Variants in TCIRG1 observed in about 807,000 individuals in gnomAD.
The protein encoded by TCIRG1 is T cell immune regulator 1, ATPase H+ transporting V0 subunit a3, also known as V-type proton ATPase 116 kDa subunit a 3.
A neutral mutation model predicts 95.5 loss-of-function variants in TCIRG1; 86 were observed. The observed-to-expected ratio is 0.90, with a 90% CI of 0.76 to 1.08. The LOEUF is 1.08. Among genes scored for constraint, TCIRG1 ranks in the 50% least tolerant of loss-of-function variants. TCIRG1 has a pLI of 0.00. For missense variants in TCIRG1, 1,069 were observed against 1,140.2 expected, an observed-to-expected ratio of 0.94 and a Z score of 0.90; for synonymous variants, 499 against 501.3, an observed-to-expected ratio of 1.00 and a Z score of 0.06.
rs1436170727 is a variant in TCIRG1 at position 68,044,164 on chromosome 11, G to A, written c.840G>A (p.Gln280=). ...VLGETERFLS[Q]VLGRVLQLLP... ...GGGAGACAGAGCGGTTCCTGAGCCA[G>A]GTGCTAGGCCGGGTGCTGCAGCTGC... The change falls in exon 9 of 20, where the codon CAG becomes CAA. Residue 280 remains glutamine (Q), a synonymous_variant. Transcript: ENST00000265686. 3.7e-5 allele frequency: 58 copies of A among 1,552,194 alleles called. No homozygotes were observed. Among genetic ancestry groups the A allele is most frequent in the Non-Finnish European group, 4.9e-5 (56 of 1,148,340 alleles).
intron 9 of TCIRG1, 31 bp downstream of exon 9, chr11:68,044,375 G>A (rs781266729): frequency 9.4e-5 from 142 of 1,511,724 alleles, no homozygotes; most frequent in Admixed American, 2.4e-4. Context: ...CCCCCTCTCC[G>A]CCCGCCCCTC....
chr11:68,042,890 G>C lies in TCIRG1; in HGVS notation c.417+27G>C, dbSNP rs965081160. The stretch of plus-strand genomic sequence containing the variant: ...TCAGCTCCCACCCAGGCAGGAGACT[G>C]GGGGGCTGGGGAGGGGCTGTCCAGC... On this transcript the variant is annotated intron_variant, in intron 4 of 19. Coordinates refer to ENST00000265686, the MANE Select transcript of TCIRG1 (RefSeq NM_006019.4). 1.5e-5 allele frequency: 24 copies of C among 1,549,362 alleles called. No homozygotes were observed. The East Asian group carries it at 4.4e-4, about 28-fold the overall frequency.
chr11:68,041,228 G>A (rs1855142136), intron 1 of TCIRG1, 40 bp from the exon 2 acceptor site: 2 of 1,386,918 alleles, frequency 1.4e-6, no homozygotes, highest in Admixed American at 1.7e-5. Flanking sequence ...AACTGTCTGT[G>A]GTCTGCCCCT....
Position 68,043,392 on chromosome 11 carries a change from G to A in TCIRG1, c.525G>A (p.Glu175=). The change falls in exon 6 of 20, where the codon GAG becomes GAA. Residue 175 remains glutamate (E), a synonymous_variant. Coordinates refer to ENST00000265686, the MANE Select transcript of TCIRG1 (RefSeq NM_006019.4). ...LRVNFVAGAV[E]PHKAPALERL... ...CCAGCTTTGTGGCAGGTGCCGTGGAGCCCCACAAGGCCCCTGCCCTAGAGC... is the reference window on the plus strand; with the variant it reads ...CCAGCTTTGTGGCAGGTGCCGTGGAACCCCACAAGGCCCCTGCCCTAGAGC... The A allele has an allele frequency of 1.9e-6, 3 of 1,539,998 alleles. No individual in the cohort carries two copies. The African/African-American group carries it at 4.1e-5, about 21-fold the overall frequency.
chr11:68,044,772 C>G, intron 9 of TCIRG1, 186 bp from the exon 10 acceptor site: 1 of 722,292 alleles, frequency 1.4e-6, no homozygotes, highest in East Asian at 2.7e-5. Context: ...AATTGCCAAT[C>G]CATGTGGTGT....
chr11:68,045,228 A>G, intron 10 of TCIRG1, 126 bp downstream of exon 10: 1 of 1,194,018 alleles, frequency 8.4e-7, no homozygotes, highest in Non-Finnish European at 1.2e-6. Context: ...AGGGGCACAC[A>G]TCCCATCACT....
chr11:68,042,549 C>A, intron 3 of TCIRG1, 94 bp from the exon 4 acceptor site: 1 of 1,038,796 alleles, frequency 9.6e-7, no homozygotes. Flanking sequence ...GTGAATCCAG[C>A]AGCTGGTGGC....
chr11:68,044,918 C>T (rs773741986), intron 9 of TCIRG1, 40 bp from the exon 10 acceptor site: 2 of 1,602,884 alleles, frequency 1.2e-6, no homozygotes, highest in Non-Finnish European at 1.7e-6. Flanking sequence ...CCCTGAAGGC[C>T]CCCGCCACCG....
chr11:68,048,000 G>A (rs1018158209), intron 13 of TCIRG1, 28 bp downstream of exon 13: 4 of 1,601,818 alleles, frequency 2.5e-6, no homozygotes, highest in Middle Eastern at 3.3e-4. Context: ...GTGTCCGTGG[G>A]TGGTGAAGGC....
intron 13 of TCIRG1, 155 bp downstream of exon 13, chr11:68,048,127 T>C (rs1855603727): frequency 1.4e-6 from 1 of 735,710 alleles, no homozygotes; most frequent in Admixed American, 2.0e-5. Flanking sequence ...CCTCCTGCCC[T>C]GCGGAGCCTG....
rs767357973 is a variant in TCIRG1, at chr11:68,047,819, C to G, written c.1463+15C>G. The G allele has an allele frequency of 6.2e-7, 1 of 1,612,258 alleles. No individual in the cohort carries two copies. The highest frequency in any genetic ancestry group is 1.7e-5 in the Admixed American group (1 of 59,978). On this transcript the variant is annotated intron_variant, in intron 12 of 19. Transcript: ENST00000265686. ...TCTGGCTGGAGGTGAGGCCCGGGCC[C>G]CAGCCCGGCTGGGGGCCCCGCAGCA...
intron 1 of TCIRG1, among the ~76,000 whole-genome samples, chr11:68,039,551 A>G (rs937107755): frequency 6.6e-6 from 1 of 152,168 alleles, no homozygotes; most frequent in Non-Finnish European, 1.5e-5. Flanking sequence ...GCAGAGGTGC[A>G]GAGAGACCTG....
chr11:68,051,840 CAG>C (rs911240988), downstream of TCIRG1, among the ~76,000 whole-genome samples: 43 of 152,306 alleles, frequency 2.8e-4, no homozygotes, highest in African/African-American at 9.4e-4. Context: ...GAGAGCTGGG[CAG>C]AGACTTGGGG....
At chr11:68,039,837 C>G (rs1448561460) in intron 1 of TCIRG1, 2 of 152,002 alleles carry the variant, frequency 1.3e-5, no homozygotes, top group South Asian at 2.1e-4. Flanking sequence ...GCCCGGCCCT[C>G]GAGCCCTCGG....
At position 68,041,800 on chromosome 11, in the gene TCIRG1, T is replaced by C; in HGVS notation, c.165T>C (p.Val55=). 6.2e-7 allele frequency: 1 copy of C among 1,610,566 alleles called. No homozygotes were observed. The highest frequency in any genetic ancestry group is 8.5e-7 in the Non-Finnish European group (1 of 1,178,600). The change falls in exon 3 of 20, where the codon GTT becomes GTC. Residue 55 remains valine, a synonymous_variant. Coordinates refer to ENST00000265686, the MANE Select transcript of TCIRG1 (RefSeq NM_006019.4). ...TCCAGAGACGCTTTGTGGTTGATGT[T>C]CGGCGCTGTGAGGAGCTGGAGAAGA... is the stretch of plus-strand genomic sequence containing the variant. ...SAFQRRFVVD[V]RRCEELEKTF... is the part of the protein sequence containing the mutation.
At chr11:68,043,262 G>GTGCCCAAT (rs1241617335) in intron 5 of TCIRG1, 109 bp from the exon 6 acceptor site, 6 of 1,489,890 alleles carry the variant, frequency 4.0e-6, no homozygotes, top group Non-Finnish European at 5.3e-6. Context: ...CAGGGCCAGT[G>GTGCCCAAT]TGCCCAATTG....
chr11:68,049,162 G>A lies in TCIRG1; in HGVS notation c.1755G>A (p.Val585=). The A allele has an allele frequency of 6.2e-7, 1 of 1,613,990 alleles. No individual in the cohort carries two copies. Among genetic ancestry groups the A allele is most frequent in the South Asian group, 1.1e-5 (1 of 91,088 alleles). ...TFLLGLFGYL[V]FLVIYKWLCV... ...TGCTGGGACTCTTCGGTTACCTCGT[G>A]TTCCTAGTCATCTACAAGTGGCTGT... The change falls in exon 15 of 20, where the codon GTG becomes GTA. Residue 585 remains valine, a synonymous_variant. Transcript: ENST00000265686.
chr11:68,046,850 G>A (rs1455908310), intron 10 of TCIRG1: 1 of 456,084 alleles, frequency 2.2e-6, no homozygotes, highest in Non-Finnish European at 4.4e-6. Flanking sequence ...AACAGCTGAA[G>A]CTGCTAACTT....
Position 68,043,604 on chromosome 11 carries a change from T to G in TCIRG1, c.664T>G (p.Ser222Ala). 6.2e-7 allele frequency: 1 copy of G among 1,611,452 alleles called. No individual in the cohort carries two copies. The highest frequency in any genetic ancestry group is 8.5e-7 in the Non-Finnish European group (1 of 1,179,384). The part of the protein sequence containing the change: ...EPATWMTFLI[S>A]YWGEQIGQKI... ...AGCCACGTGGATGACCTTCCTCATC[T>G]CCTACTGGGGTGAGCAGATCGGACA... Residue 222 changes from serine to alanine, a missense_variant, in exon 7 of 20, where the codon TCC becomes GCC. By Grantham distance (99) the Ser-to-Ala change is moderately conservative (BLOSUM62 1). Transcript: ENST00000265686.
Sources: allele counts gnomAD v4.1 joint callset (sites outside exome capture counted in the v4.1 genomes callset), GRCh38; gene constraint gnomAD v4.1.1; transcripts MANE v1.5; gene names NCBI Gene and HGNC (gene_info 2026-07-23, HGNC 2026-07-21).